BRD3: variants seen among roughly 807,000 people sequenced by gnomAD.
The protein encoded by BRD3 is bromodomain containing 3, also known as bromodomain-containing protein 3.
BRD3 carries 17 observed loss-of-function variants against 66.8 expected under a neutral mutation model. The ratio of observed to expected loss-of-function variants is 0.25; its 90% CI spans 0.17 to 0.38. The LOEUF (loss-of-function observed/expected upper bound fraction) is 0.38, where lower values mean the gene tolerates loss of function less well. Ranked by LOEUF, BRD3 falls within the 10% of genes least tolerant of loss-of-function variation. The pLI is 1.00. For missense variants in BRD3, 713 were observed against 956.1 expected, an observed-to-expected ratio of 0.75 and a Z score of 3.35; for synonymous variants, 421 against 393.2, an observed-to-expected ratio of 1.07 and a Z score of -0.84.
intron 1 of BRD3, chr9:134,056,059 G>C (rs1830416925): frequency 6.6e-6 from 1 of 152,334 alleles, no homozygotes; most frequent in African/African-American, 2.4e-5. Context: ...GCCATGGACT[G>C]TGAGCTTGAG....
rs1327306511 is a variant in BRD3 at position 134,045,009 on chromosome 9, A to ACACG, written c.1215+280_1215+283dup. Among the ~76,000 whole-genome samples, 5 of 152,218 alleles carry ACACG rather than the reference A, an allele frequency of 3.3e-5. No homozygotes were observed. Among genetic ancestry groups the ACACG allele is most frequent in the Non-Finnish European group, 7.3e-5 (5 of 68,036 alleles). On this transcript the variant is annotated intron_variant, in intron 7 of 11. Transcript: ENST00000303407. The surrounding 1 kb of genome is among the most constrained non-coding windows in gnomAD (Gnocchi z 4.8). ...AAGAGCATCTGCCGTCCCACCTGGT[A>ACACG]CACGCACCAGTCCCTGGAGGGAAAG... is the stretch of plus-strand genomic sequence containing the variant.
At position 134,051,607 on chromosome 9, in the gene BRD3, G is replaced by C; in HGVS notation, c.454C>G (p.Pro152Ala). ...GCCGGCTTCCGACCTTTGCCCTTTG[G>C]AGCAGGGGGTAATAATTCAACTTCC... Reference protein sequence around the residue: ...QEEVELLPPAPKGKGRKPAAG... With the variant: ...QEEVELLPPAAKGKGRKPAAG... The change falls in exon 4 of 12, where the codon CCA (proline) becomes GCA (alanine). Residue 152 changes from proline to alanine, a missense_variant. Around this residue, in one of 5 missense-constraint regions of BRD3, gnomAD observed 120 missense variants for 122.8 expected, o/e 0.98. Transcript: ENST00000303407. 6.3e-7 allele frequency: 1 copy of C among 1,582,048 alleles called. No homozygotes were observed. Among genetic ancestry groups the C allele is most frequent in the East Asian group, 2.3e-5 (1 of 42,842 alleles).
At position 134,032,163 on chromosome 9, in the gene BRD3, C is replaced by A. The variant is rs1348785024; in HGVS notation, c.*1427G>T. 4.6e-6 allele frequency: 1 copy of A among 216,696 alleles called. No homozygotes were observed. The highest frequency in any genetic ancestry group is 9.3e-6 in the Non-Finnish European group (1 of 107,740). The allele number at this position is 216,696 out of a possible 1,614,324, so 13.4% of individuals were successfully genotyped here. ...CCCGTACTCAAAGACCATATGGCAGCCTCTGGGAAAACAAAACCAAAACAT... is the reference window on the plus strand; with the variant it reads ...CCCGTACTCAAAGACCATATGGCAGACTCTGGGAAAACAAAACCAAAACAT... On this transcript the variant is annotated 3_prime_UTR_variant, in exon 12 of 12. Coordinates refer to ENST00000303407, the MANE Select transcript of BRD3 (RefSeq NM_007371.4).
At chr9:134,061,340 T>C (rs896012890) in intron 1 of BRD3, among the ~76,000 whole-genome samples, 1 of 152,352 alleles carries the variant, frequency 6.6e-6, no homozygotes, top group Middle Eastern at 3.4e-3. Flanking sequence ...GAGTCCCAGC[T>C]TTCAGCAAAC....
At position 134,031,905 on chromosome 9, in the gene BRD3, GACTA is replaced by G. The variant is rs1442895355; in HGVS notation, c.*1681_*1684del. 2.3e-5 allele frequency: 5 copies of G among 220,522 alleles called. No individual in the cohort carries two copies. Among genetic ancestry groups the G allele is most frequent in the Non-Finnish European group, 4.5e-5 (5 of 109,976 alleles). 13.7% of individuals were successfully genotyped at this position (220,522 alleles called of 1,614,324 possible). On this transcript the variant is annotated 3_prime_UTR_variant, in exon 12 of 12. Coordinates refer to ENST00000303407, the MANE Select transcript of BRD3 (RefSeq NM_007371.4). ...GAATGCCTGGTTTCAGTCATTTCCGGACTAACTGTGACAACGCGTGAGCAGGGAG... is the reference window on the plus strand; with the variant it reads ...GAATGCCTGGTTTCAGTCATTTCCGGACTGTGACAACGCGTGAGCAGGGAG...
chr9:134,044,099 C>T (rs992743088), intron 7 of BRD3, among the ~76,000 whole-genome samples: 2 of 152,224 alleles, frequency 1.3e-5, no homozygotes, highest in Non-Finnish European at 2.9e-5. Context: ...CTCCAGAGGA[C>T]TGGCCTTTGC....
intron 8 of BRD3, among the ~76,000 whole-genome samples, chr9:134,040,795 G>A (rs1196878940): frequency 1.3e-5 from 2 of 152,202 alleles, no homozygotes; most frequent in Non-Finnish European, 2.9e-5. Flanking sequence ...GAAGCCATTT[G>A]ATAACACGCA....
intron 5 of BRD3, among the ~76,000 whole-genome samples, chr9:134,049,651 G>A (rs531852441): frequency 6.6e-5 from 10 of 152,252 alleles, no homozygotes; most frequent in Non-Finnish European, 1.5e-4. Context: ...CACGGGGAGG[G>A]GAAGCAACGG....
At chr9:134,051,881 T>TGTGTGTGTGTG (rs1564555879) in intron 3 of BRD3, among the ~76,000 whole-genome samples, 172 bp from the exon 4 acceptor site, 1 of 51,788 alleles carries the variant, frequency 1.9e-5, no homozygotes, top group African/African-American at 9.7e-5. Flanking sequence ...GTGTGTGTTG[T>TGTGTGTGTGTG]TTTTTTTGTT....
intron 6 of BRD3, among the ~76,000 whole-genome samples, chr9:134,047,746 A>G (rs916312178): frequency 4.6e-5 from 7 of 152,136 alleles, no homozygotes; most frequent in Non-Finnish European, 2.9e-5. Flanking sequence ...CAGCTTTAAA[A>G]CTTTGCCAAC....
chr9:134,042,814 CACACAT>C (rs1283807465), intron 7 of BRD3, among the ~76,000 whole-genome samples: 1 of 136,148 alleles, frequency 7.3e-6, no homozygotes, highest in African/African-American at 2.7e-5. Context: ...CACACACACA[CACACAT>C]TTTTAAGTTT....
In BRD3 at chr9:134,048,279, T is replaced by A. The variant is rs1335274026; in HGVS notation, c.890A>T (p.Glu297Val). 6.2e-7 allele frequency: 1 copy of A among 1,607,084 alleles called. No homozygotes were observed. The highest frequency in any genetic ancestry group is 1.3e-5 in the African/African-American group (1 of 74,898). Residue 297 changes from glutamate (E) to valine (V), a missense_variant, in exon 6 of 12, where the codon GAG becomes GTG. Glu to Val is a moderately radical substitution (Grantham distance 121). Transcript: ENST00000303407. ...CTTCTTGCCTGCGTGCTGGGGCACC[T>A]CGCCGTCCTCCAGGTCCTTCTTGGG... ...KPPKKDLEDG[E>V]VPQHAGKKGK...
Position 134,051,594 on chromosome 9 carries a change from C to A in BRD3, c.467G>T (p.Gly156Val), listed in dbSNP as rs772279611. 1.3e-6 allele frequency: 2 copies of A among 1,572,274 alleles called. No individual in the cohort carries two copies. Among genetic ancestry groups the A allele is most frequent in the African/African-American group, 2.8e-5 (2 of 71,626 alleles). ...CTGGGCTCCCGCAGCCGGCTTCCGA[C>A]CTTTGCCCTTTGGAGCAGGGGGTAA... ...ELLPPAPKGK[G>V]RKPAAGAQSA... Residue 156 changes from glycine to valine, a missense_variant, in exon 4 of 12, where the codon GGT becomes GTT. Gly to Val is a moderately radical substitution (Grantham distance 109, BLOSUM62 -3). This residue lies in a region of BRD3 where 120 missense variants were observed against 122.8 expected (regional missense o/e 0.98). Coordinates refer to ENST00000303407, the MANE Select transcript of BRD3 (RefSeq NM_007371.4).
intron 1 of BRD3, among the ~76,000 whole-genome samples, chr9:134,067,085 G>A (rs892440428): frequency 2.6e-5 from 4 of 152,230 alleles, no homozygotes; most frequent in Admixed American, 1.3e-4. Flanking sequence ...CACGGTTCGG[G>A]GTGCGCATTT....
At chr9:134,034,619 G>A (rs1843569604) in intron 11 of BRD3, 82 bp downstream of exon 11, 2 of 1,558,668 alleles carry the variant, frequency 1.3e-6, no homozygotes, top group Non-Finnish European at 1.7e-6. Flanking sequence ...ACTCAGACGT[G>A]GGCCTGCTCG....
chr9:134,046,187 A>G (rs569142160), intron 6 of BRD3, among the ~76,000 whole-genome samples: 2 of 152,306 alleles, frequency 1.3e-5, no homozygotes, highest in East Asian at 3.9e-4. Flanking sequence ...CAGTCCCCAG[A>G]GCTGGGAGGT....
At chr9:134,064,116 C>T (rs971063241) in intron 1 of BRD3, among the ~76,000 whole-genome samples, 5 of 152,186 alleles carry the variant, frequency 3.3e-5, no homozygotes, top group African/African-American at 1.2e-4. Context: ...CAACAGGGTC[C>T]GAGCCTCCAG....
chr9:134,039,927 C>T lies in BRD3; in HGVS notation c.1643+107G>A, dbSNP rs1830003675. On this transcript the variant is annotated intron_variant, in intron 9 of 11. Transcript: ENST00000303407. ...CTCCCTGCCCCCATCACCCTGGTTT[C>T]CAGGTGGCCAAGGCACAAAGCCCCC... 4 of 1,474,960 alleles carry T rather than the reference C, an allele frequency of 2.7e-6. No individual in the cohort carries two copies. The South Asian group carries it at 4.2e-5, about 15-fold the overall frequency. 91.4% of individuals were successfully genotyped at this position (1,474,960 alleles called of 1,614,324 possible).
chr9:134,032,968 C>T lies in BRD3; in HGVS notation c.*622G>A. The T allele has an allele frequency of 2.5e-6, 1 of 394,630 alleles. No individual in the cohort carries two copies. The highest frequency in any genetic ancestry group is 4.5e-6 in the Non-Finnish European group (1 of 224,178). The allele number at this position is 394,630 out of a possible 1,614,324, so 24.4% of individuals were successfully genotyped here. A position where few individuals can be genotyped will look rare whatever the true frequency, so the allele number is the denominator to read the frequency against. On this transcript the variant is annotated 3_prime_UTR_variant, in exon 12 of 12. Coordinates refer to ENST00000303407, the MANE Select transcript of BRD3 (RefSeq NM_007371.4). ...TCCCTCCGAGGAGCTCCTGACATCACCACGAGCGGAGAACGCACATCCCAC... is the reference window on the plus strand; with the variant it reads ...TCCCTCCGAGGAGCTCCTGACATCATCACGAGCGGAGAACGCACATCCCAC...
Sources: allele counts gnomAD v4.1 joint callset (sites outside exome capture counted in the v4.1 genomes callset), GRCh38; gene constraint gnomAD v4.1.1; regional missense constraint gnomAD v4.1.1; non-coding constraint Gnocchi (gnomAD v3.1); transcripts MANE v1.5; gene names NCBI Gene and HGNC (gene_info 2026-07-23, HGNC 2026-07-21).